GYG1: variants seen among roughly 807,000 people sequenced by gnomAD.
GYG1 encodes the protein glycogenin 1.
GYG1 carries 44 observed loss-of-function variants against 41.9 expected under a neutral mutation model. That is an observed-to-expected ratio of 1.05 (90% CI 0.83 to 1.35). The LOEUF is 1.35. GYG1 is among the 40% of genes most tolerant of loss of function. The pLI, the probability that GYG1 is intolerant of heterozygous loss-of-function variation, is 0.00. For synonymous variants in GYG1, 141 were observed against 158.1 expected (o/e 0.89, Z 0.81); for missense variants, 429 against 418.9 (o/e 1.02, Z -0.21).
In GYG1 at chr3:149,027,964, A is replaced by T. The variant is rs1175783064; in HGVS notation, c.*1031A>T. Among the ~76,000 whole-genome samples, 4 of 152,210 alleles carry T rather than the reference A, an allele frequency of 2.6e-5. No homozygotes were observed. The highest frequency in any genetic ancestry group is 9.7e-5 in the African/African-American group (4 of 41,446). On this transcript the variant is annotated 3_prime_UTR_variant, in exon 8 of 8. Transcript: ENST00000345003. ...AGAATCAATACTGGGTCCAGTCCCT[A>T]CTAGTATTTTATCTATGATTTAAAA... is the stretch of plus-strand genomic sequence containing the variant.
intron 5 of GYG1, among the ~76,000 whole-genome samples, chr3:149,019,419 A>T (rs1321643416): frequency 6.6e-6 from 1 of 151,982 alleles, no homozygotes; most frequent in Non-Finnish European, 1.5e-5. Flanking sequence ...CACCTCTCCC[A>T]TCTCTCCCCA....
At chr3:149,008,135 A>G (rs1484284495) in intron 4 of GYG1, 2 of 152,176 alleles carry the variant, frequency 1.3e-5, no homozygotes, top group African/African-American at 2.4e-5. Flanking sequence ...CATAGGGGTA[A>G]TGTGGCCTTC....
chr3:149,018,198 C>T (rs1249319294), intron 5 of GYG1, among the ~76,000 whole-genome samples: 1 of 152,118 alleles, frequency 6.6e-6, no homozygotes, highest in African/African-American at 2.4e-5. Context: ...GTAATTGAGA[C>T]ATAAAAATAA....
rs1044754421 is a variant in GYG1, at chr3:149,030,386, C to CA, written c.*3456dup. 5 of 151,864 alleles carry CA rather than the reference C, an allele frequency of 3.3e-5. No homozygotes were observed. The highest frequency in any genetic ancestry group is 1.2e-4 in the African/African-American group (5 of 41,324). 9.4% of individuals were successfully genotyped at this position (151,864 alleles called of 1,614,324 possible). A position where few individuals can be genotyped will look rare whatever the true frequency, so the allele number is the denominator to read the frequency against. The stretch of plus-strand genomic sequence containing the variant: ...CAACATCTAACAGAACTGTACAAAA[C>CA]AAAGAGACATTTTTTAAACAACTTG... On this transcript the variant is annotated 3_prime_UTR_variant, in exon 8 of 8. Coordinates refer to ENST00000345003, the MANE Select transcript of GYG1 (RefSeq NM_004130.4).
In GYG1 at chr3:149,009,385, C is replaced by A. The variant is rs748873090; in HGVS notation, c.591C>A (p.Tyr197Ter). 1 of 1,613,328 alleles carries A rather than the reference C, an allele frequency of 6.2e-7. No homozygotes were observed. Among genetic ancestry groups the A allele is most frequent in the Admixed American group, 1.7e-5 (1 of 60,028 alleles). The change falls in exon 5 of 8, where the codon TAC (tyrosine) becomes TAA (stop). Residue 197 changes from tyrosine to a stop codon, truncating the protein, a stop_gained. Transcript: ENST00000345003. LOFTEE classifies it high-confidence loss of function. ...YNLSSISIYS[Y>*]LPAFKVFGAS... Reference sequence around the variant, plus strand: ...TAAGCAGCATCTCTATATACTCCTACCTCCCGGCATTTAAAGTGTAAGTGC... The same window carrying A: ...TAAGCAGCATCTCTATATACTCCTAACTCCCGGCATTTAAAGTGTAAGTGC...
chr3:149,024,695 A>G lies in GYG1; in HGVS notation c.828+423A>G, dbSNP rs575136780. 5.9e-5 allele frequency among the ~76,000 whole-genome samples: 9 copies of G among 152,346 alleles called. No individual in the cohort carries two copies. The South Asian group carries it at 1.4e-3, about 25-fold the overall frequency. ...ATGTGTTTTCAGTGAAAATGACAAT[A>G]TGAACATACAGTAAATACTTCTATA... is the stretch of plus-strand genomic sequence containing the variant. On this transcript the variant is annotated intron_variant, in intron 6 of 7. Coordinates refer to ENST00000345003, the MANE Select transcript of GYG1 (RefSeq NM_004130.4).
chr3:149,029,980 A>AAGTT lies in GYG1; in HGVS notation c.*3054_*3057dup, dbSNP rs556173963. On this transcript the variant is annotated 3_prime_UTR_variant, in exon 8 of 8. Coordinates refer to ENST00000345003, the MANE Select transcript of GYG1 (RefSeq NM_004130.4). Reference sequence around the variant, plus strand: ...TCAACCAGCTAAATTGAGCAAAATAAAGTTAGTTAGGATATGAGGACATTA... The same window carrying AAGTT: ...TCAACCAGCTAAATTGAGCAAAATAAAGTTAGTTAGTTAGGATATGAGGACATTA... 6 of 152,230 alleles carry AAGTT rather than the reference A, an allele frequency of 3.9e-5. No individual in the cohort carries two copies. Among genetic ancestry groups the AAGTT allele is most frequent in the African/African-American group, 1.2e-4 (5 of 41,460 alleles). The allele number at this position is 152,230 out of a possible 1,614,324, so 9.4% of individuals were successfully genotyped here. A position where few individuals can be genotyped will look rare whatever the true frequency, so the allele number is the denominator to read the frequency against.
intron 6 of GYG1, among the ~76,000 whole-genome samples, chr3:149,025,860 T>C (rs931212842): frequency 2.0e-5 from 3 of 152,150 alleles, no homozygotes; most frequent in Non-Finnish European, 4.4e-5. Flanking sequence ...TTAAGTTATG[T>C]CCAGTATACT....
chr3:149,017,632 G>A (rs558968713), intron 5 of GYG1, among the ~76,000 whole-genome samples: 1 of 105,092 alleles, frequency 9.5e-6, no homozygotes, highest in East Asian at 3.3e-4. Context: ...GTCTCGCTCT[G>A]TCACCCATGC....
chr3:148,996,890 A>G lies in GYG1; in HGVS notation c.467A>G (p.Gln156Arg). Residue 156 changes from glutamine (Q) to arginine (R), a missense_variant, in exon 4 of 8, where the codon CAA becomes CGA. Physicochemically the swap from Gln to Arg is conservative, Grantham distance 43 (BLOSUM62 1). Coordinates refer to ENST00000345003, the MANE Select transcript of GYG1 (RefSeq NM_004130.4). ...YNQLLHLASE[Q>R]GSFDGGDQGI... ...CAGCTGTTGCATCTTGCTTCTGAGC[A>G]AGGTAGTTTTGATGGTATGTATTTG... is the stretch of plus-strand genomic sequence containing the variant. 1 of 1,613,428 alleles carries G rather than the reference A, an allele frequency of 6.2e-7. No individual in the cohort carries two copies. Among genetic ancestry groups the G allele is most frequent in the Non-Finnish European group, 8.5e-7 (1 of 1,179,370 alleles).
At chr3:149,012,452 G>T (rs760421496) in intron 5 of GYG1, among the ~76,000 whole-genome samples, 1 of 152,176 alleles carries the variant, frequency 6.6e-6, no homozygotes, top group Non-Finnish European at 1.5e-5. Context: ...CATGCACTAG[G>T]ATGTCCCCAA....
intron 4 of GYG1, chr3:149,007,926 T>C (rs1233533257): frequency 2.0e-5 from 3 of 152,204 alleles, no homozygotes; most frequent in Non-Finnish European, 4.4e-5. Flanking sequence ...ACATGAAATA[T>C]ATGGAAGAAT....
At chr3:149,016,441 G>C (rs1245910652) in intron 5 of GYG1, among the ~76,000 whole-genome samples, 1 of 152,138 alleles carries the variant, frequency 6.6e-6, no homozygotes, top group African/African-American at 2.4e-5. Flanking sequence ...GCCTCCAGGA[G>C]AGTCTCCCTA....
chr3:149,011,377 A>C (rs1005828165), intron 5 of GYG1, among the ~76,000 whole-genome samples: 1 of 152,186 alleles, frequency 6.6e-6, no homozygotes. Flanking sequence ...CTTATAGTTT[A>C]ATTGACTGAA....
At chr3:149,025,903 G>A (rs4681478) in intron 6 of GYG1, among the ~76,000 whole-genome samples, 53,934 of 151,940 alleles carry the variant, frequency 0.35, 9,893 homozygotes, top group African/African-American at 0.46. Flanking sequence ...CTTTTAGGGT[G>A]TAAATTCACA....
intron 6 of GYG1, among the ~76,000 whole-genome samples, chr3:149,025,140 CATA>C (rs1303756402): frequency 6.6e-6 from 1 of 152,154 alleles, no homozygotes; most frequent in Non-Finnish European, 1.5e-5. Context: ...TGGATCATGA[CATA>C]ATATTTGTAC....
Position 148,996,547 on chromosome 3 carries a change from A to G in GYG1, c.318+71A>G, listed in dbSNP as rs552626569. 75 of 1,372,510 alleles carry G rather than the reference A, an allele frequency of 5.5e-5. No individual in the cohort carries two copies. The Admixed American group carries it at 8.8e-4, about 16-fold the overall frequency. The allele number at this position is 1,372,510 out of a possible 1,614,324, so 85.0% of individuals were successfully genotyped here. Reference sequence around the variant, plus strand: ...GGTGATGGAGACCTGTAGGCATTTGAGGAATGCTGTCAAGACTTGACGGTA... The same window carrying G: ...GGTGATGGAGACCTGTAGGCATTTGGGGAATGCTGTCAAGACTTGACGGTA... On this transcript the variant is annotated intron_variant, in intron 3 of 7. Coordinates refer to ENST00000345003, the MANE Select transcript of GYG1 (RefSeq NM_004130.4).
Position 149,015,470 on chromosome 3 carries a change from G to A in GYG1, c.608+6068G>A, listed in dbSNP as rs555217336. The stretch of plus-strand genomic sequence containing the variant: ...ATAGGAACAAGAGACAGCAAGGCAA[G>A]TGGGAACTCAGGGAAGTGTGGTATT... On this transcript the variant is annotated intron_variant, in intron 5 of 7. Transcript: ENST00000345003. Among the ~76,000 whole-genome samples the A allele has an allele frequency of 5.3e-5, 8 of 152,346 alleles. No individual in the cohort carries two copies. In the South Asian group the frequency reaches 1.7e-3, roughly 32 times the overall value.
intron 4 of GYG1, among the ~76,000 whole-genome samples, chr3:149,006,647 A>G (rs139651463): frequency 9.2e-5 from 14 of 152,310 alleles, no homozygotes; most frequent in Admixed American, 1.3e-4. Context: ...GCTGAGTGAC[A>G]TTTGAGCTGT....
Sources: allele counts gnomAD v4.1 joint callset (sites outside exome capture counted in the v4.1 genomes callset), GRCh38; gene constraint gnomAD v4.1.1; transcripts MANE v1.5; gene names NCBI Gene and HGNC (gene_info 2026-07-23, HGNC 2026-07-21).